The following KCNJ16 variants were observed in gnomAD, a reference collection of about 807,000 sequenced individuals.
The protein encoded by KCNJ16 is potassium inwardly rectifying channel subfamily J member 16, also known as inward rectifier potassium channel 16.
KCNJ16 carries 15 observed loss-of-function variants against 18.5 expected under a neutral mutation model. The observed-to-expected ratio is 0.81, with a 90% CI of 0.54 to 1.25. The LOEUF (loss-of-function observed/expected upper bound fraction) is 1.25. Among genes scored for constraint, KCNJ16 ranks in the 50% most tolerant of loss-of-function variants. The probability of loss-of-function intolerance (pLI) is 0.00; values close to 1 mark genes in which losing one functional copy is unlikely to be tolerated. For synonymous variants in KCNJ16, 174 were observed against 186.5 expected (o/e 0.93, Z 0.55); for missense variants, 523 against 525.7 (o/e 0.99, Z 0.05).
intron 1 of KCNJ16, among the ~76,000 whole-genome samples, chr17:70,090,870 A>ATTGGGG (rs1358337994): frequency 4.6e-5 from 7 of 152,348 alleles, no homozygotes; most frequent in African/African-American, 1.7e-4. Flanking sequence ...TAACAAAAAC[A>ATTGGGG]TTGTCCAGAA....
chr17:70,133,313 T>TA lies in KCNJ16; in HGVS notation c.1229dup (p.Asn410LysfsTer21). The TA allele has an allele frequency of 6.2e-7, 1 of 1,613,722 alleles. No homozygotes were observed. The highest frequency in any genetic ancestry group is 1.7e-5 in the Admixed American group (1 of 60,006). The stretch of plus-strand genomic sequence containing the variant: ...CCTTATCAGAAAGCTCTCCTGACTT[T>TA]AAACAGAATCTCTGTAGAATCCCAA... On this transcript the variant is annotated frameshift_variant, in exon 4 of 4. Coordinates refer to ENST00000392671, the MANE Select transcript of KCNJ16 (RefSeq NM_170741.4). LOFTEE classifies it high-confidence loss of function.
chr17:70,132,414 A>G lies in KCNJ16; in HGVS notation c.327A>G (p.Thr109=). ...HGDLLNDPDI[T]PCVDNVHSFT... ...ATCTATTAAATGATCCAGACATCAC[A>G]CCTTGTGTTGACAACGTCCATTCTT... is the stretch of plus-strand genomic sequence containing the variant. The change falls in exon 4 of 4, where the codon ACA becomes ACG. Residue 109 remains threonine (T), a synonymous_variant. Transcript: ENST00000392671. The G allele has an allele frequency of 1.9e-6, 3 of 1,614,068 alleles. No individual in the cohort carries two copies. The highest frequency in any genetic ancestry group is 2.5e-6 in the Non-Finnish European group (3 of 1,180,006).
chr17:70,123,503 A>G (rs1333341878), intron 2 of KCNJ16, among the ~76,000 whole-genome samples: 3 of 152,202 alleles, frequency 2.0e-5, no homozygotes, highest in Non-Finnish European at 2.9e-5. Context: ...ATGATAAGCT[A>G]TCAGAGGAGA....
At chr17:70,086,413 A>T (rs995692547) in intron 1 of KCNJ16, among the ~76,000 whole-genome samples, 1 of 152,264 alleles carries the variant, frequency 6.6e-6, no homozygotes, top group Non-Finnish European at 1.5e-5. Flanking sequence ...GGTGAGCACA[A>T]GAAAAGTGTA....
chr17:70,106,741 G>A (rs973920481), intron 2 of KCNJ16, among the ~76,000 whole-genome samples: 2 of 152,148 alleles, frequency 1.3e-5, no homozygotes, highest in Non-Finnish European at 2.9e-5. Context: ...TTGCCTGTCT[G>A]GTAAGCCCAA....
chr17:70,096,773 G>C, intron 1 of KCNJ16: 1 of 388,170 alleles, frequency 2.6e-6, no homozygotes, highest in African/African-American at 2.1e-5. Flanking sequence ...AGCGTGAATG[G>C]ATATTAGAGT....
At chr17:70,130,817 C>T (rs1261774425) in intron 2 of KCNJ16, 62 bp from the exon 3 acceptor site, 2 of 731,126 alleles carry the variant, frequency 2.7e-6, no homozygotes, top group East Asian at 5.4e-5. Flanking sequence ...AACACATATT[C>T]TAATAGTTAC....
chr17:70,110,220 G>GT (rs2073127078), intron 2 of KCNJ16, among the ~76,000 whole-genome samples: 2 of 152,008 alleles, frequency 1.3e-5, no homozygotes, highest in Admixed American at 6.6e-5. Context: ...GACATAAAGG[G>GT]TTTTTTTGTT....
chr17:70,119,031 C>T (rs2073528381), intron 2 of KCNJ16, among the ~76,000 whole-genome samples: 1 of 152,190 alleles, frequency 6.6e-6, no homozygotes, highest in African/African-American at 2.4e-5. Context: ...CATTCCCATT[C>T]CAAAAGGAAG....
At chr17:70,103,935 A>ACC (rs1158052855) in intron 2 of KCNJ16, among the ~76,000 whole-genome samples, 5 of 102,696 alleles carry the variant, frequency 4.9e-5, no homozygotes, top group Non-Finnish European at 7.5e-5. Context: ...TTATTTTATT[A>ACC]TCTTTTTTTT....
At chr17:70,079,705 T>C (rs1034508474) in intron 1 of KCNJ16, among the ~76,000 whole-genome samples, 36 of 152,210 alleles carry the variant, frequency 2.4e-4, no homozygotes, top group Non-Finnish European at 4.7e-4. Flanking sequence ...TATTTTATTA[T>C]TTATTTTTAT....
intron 1 of KCNJ16, among the ~76,000 whole-genome samples, chr17:70,085,971 A>G (rs2071778634): frequency 6.6e-6 from 1 of 152,198 alleles, no homozygotes; most frequent in African/African-American, 2.4e-5. Flanking sequence ...ACCATTCTTT[A>G]TGGTCCCAAC....
intron 2 of KCNJ16, among the ~76,000 whole-genome samples, chr17:70,103,159 T>G (rs983217705): frequency 1.1e-4 from 16 of 145,416 alleles, no homozygotes; most frequent in African/African-American, 4.0e-4. Context: ...TATATATAAT[T>G]TATTTAATAT....
chr17:70,116,418 T>C (rs963472469), intron 2 of KCNJ16, among the ~76,000 whole-genome samples: 1 of 152,182 alleles, frequency 6.6e-6, no homozygotes, highest in Non-Finnish European at 1.5e-5. Context: ...TCATCCGTAA[T>C]AATTTCTTTA....
At chr17:70,076,349 T>A (rs546566628) in intron 1 of KCNJ16, among the ~76,000 whole-genome samples, 5 of 152,192 alleles carry the variant, frequency 3.3e-5, no homozygotes, top group African/African-American at 9.6e-5. Context: ...TAAAGGAACA[T>A]GAAGTACCCA....
At chr17:70,086,728 G>A (rs750113476) in intron 1 of KCNJ16, among the ~76,000 whole-genome samples, 7 of 152,102 alleles carry the variant, frequency 4.6e-5, no homozygotes, top group Admixed American at 6.5e-5. Context: ...TTCCTTTTAC[G>A]TAATTGCAGC....
At chr17:70,081,717 A>T (rs1294791145) in intron 1 of KCNJ16, among the ~76,000 whole-genome samples, 2 of 152,132 alleles carry the variant, frequency 1.3e-5, no homozygotes, top group African/African-American at 4.8e-5. Flanking sequence ...ACAGAAGCAC[A>T]GGGGTATAGA....
Position 70,133,315 on chromosome 17 carries a change from A to G in KCNJ16, c.1228A>G (p.Asn410Asp). The G allele has an allele frequency of 6.2e-7, 1 of 1,613,744 alleles. No individual in the cohort carries two copies. Among genetic ancestry groups the G allele is most frequent in the South Asian group, 1.1e-5 (1 of 91,074 alleles). The stretch of plus-strand genomic sequence containing the variant: ...TTATCAGAAAGCTCTCCTGACTTTA[A>G]ACAGAATCTCTGTAGAATCCCAAAT... ...TPYQKALLTLNRISVESQM is the reference protein window; with the variant it reads ...TPYQKALLTLDRISVESQM The change falls in exon 4 of 4, where the codon AAC becomes GAC. Residue 410 changes from asparagine to aspartate, a missense_variant. Asn to Asp is a conservative substitution (Grantham distance 23). Transcript: ENST00000392671.
chr17:70,103,154 ATAATT>A (rs1394371350), intron 2 of KCNJ16, among the ~76,000 whole-genome samples: 2 of 145,632 alleles, frequency 1.4e-5, no homozygotes, highest in East Asian at 2.0e-4. Flanking sequence ...TATAATATAT[ATAATT>A]TATTTAATAT....
Sources: allele counts gnomAD v4.1 joint callset (sites outside exome capture counted in the v4.1 genomes callset), GRCh38; gene constraint gnomAD v4.1.1; transcripts MANE v1.5; gene names NCBI Gene and HGNC (gene_info 2026-07-23, HGNC 2026-07-21).